Variants in GLMN observed in about 807,000 individuals in gnomAD.
The protein encoded by GLMN is glomulin, FKBP associated protein, also known as glomulin.
In GLMN, 75 loss-of-function variants were observed where a neutral mutation model predicts 87.8. The ratio of observed to expected loss-of-function variants is 0.85; its 90% confidence interval spans 0.71 to 1.04. The LOEUF (loss-of-function observed/expected upper bound fraction) is 1.04. GLMN is among the 50% of genes least tolerant of loss of function. The pLI is 0.00. For synonymous variants in GLMN, 206 were observed against 221.6 expected, an observed-to-expected ratio of 0.93 and a Z score of 0.63; for missense variants, 588 against 658.8, an observed-to-expected ratio of 0.89 and a Z score of 1.18.
chr1:92,329,841 A>G, the GLMN span, among the ~76,000 whole-genome samples: 1 of 152,226 alleles, frequency 6.6e-6, no homozygotes, highest in African/African-American at 2.4e-5. Context: ...AATGAGTGAC[A>G]TTAGCGTATG....
At chr1:92,274,779 AT>A (rs1379358624) in intron 7 of GLMN, among the ~76,000 whole-genome samples, 2 of 151,866 alleles carry the variant, frequency 1.3e-5, no homozygotes, top group African/African-American at 4.8e-5. Flanking sequence ...CCAATATCCC[AT>A]TTTCTGACCA....
the GLMN span, among the ~76,000 whole-genome samples, chr1:92,337,665 T>C: frequency 6.6e-6 from 1 of 152,182 alleles, no homozygotes; most frequent in Non-Finnish European, 1.5e-5. Context: ...CAGTTTTCTC[T>C]AAGTTTTATC....
At chr1:92,354,039 A>G in the GLMN span, among the ~76,000 whole-genome samples, 1 of 152,124 alleles carries the variant, frequency 6.6e-6, no homozygotes, top group Non-Finnish European at 1.5e-5. Context: ...AAGGATCCTG[A>G]GCAAAAAGAT....
chr1:92,269,257 A>G (rs555435273), intron 9 of GLMN, among the ~76,000 whole-genome samples: 1 of 151,678 alleles, frequency 6.6e-6, no homozygotes, highest in South Asian at 2.1e-4. Flanking sequence ...AAATGAGAAA[A>G]GTTGTAATTG....
At chr1:92,369,808 G>A in the GLMN span, among the ~76,000 whole-genome samples, 11 of 152,328 alleles carry the variant, frequency 7.2e-5, no homozygotes, top group South Asian at 6.2e-4. Context: ...AAGAAAAAGA[G>A]AGGAAGCAGG....
the GLMN span, among the ~76,000 whole-genome samples, chr1:92,349,437 TATAATGCC>T: frequency 1.3e-5 from 2 of 152,222 alleles, no homozygotes; most frequent in African/African-American, 2.4e-5. Context: ...AGTATGTTGC[TATAATGCC>T]ACAAGTCTAA....
chr1:92,297,681 AGGAT>A, intron 2 of GLMN, 152 bp from the exon 3 acceptor site: 1 of 702,514 alleles, frequency 1.4e-6, no homozygotes, highest in South Asian at 1.8e-5. Context: ...TATCAAAATT[AGGAT>A]TACCCTAATA....
chr1:92,276,217 C>A (rs1305009319), intron 7 of GLMN, among the ~76,000 whole-genome samples: 8 of 151,916 alleles, frequency 5.3e-5, no homozygotes, highest in Non-Finnish European at 8.8e-5. Context: ...CAGAGCAAGA[C>A]CCTATCTCAA....
At chr1:92,273,754 C>A (rs1037518863) in intron 7 of GLMN, among the ~76,000 whole-genome samples, 8 of 152,028 alleles carry the variant, frequency 5.3e-5, no homozygotes, top group African/African-American at 1.7e-4. Flanking sequence ...CCGTGCCCAG[C>A]CTAAGATACC....
chr1:92,363,661 A>G, the GLMN span: 312 of 281,310 alleles, frequency 1.1e-3, 1 homozygote, highest in African/African-American at 6.1e-3. Context: ...CCTCTGCCAC[A>G]CTTAAGATAG....
intron 7 of GLMN, among the ~76,000 whole-genome samples, chr1:92,282,005 A>C (rs577422072): frequency 7.9e-5 from 12 of 152,190 alleles, no homozygotes; most frequent in African/African-American, 2.9e-4. Flanking sequence ...AGATACTTAG[A>C]CTCCCACACG....
the GLMN span, among the ~76,000 whole-genome samples, chr1:92,317,757 T>C: frequency 6.6e-6 from 1 of 152,208 alleles, no homozygotes; most frequent in East Asian, 1.9e-4. Context: ...TTATGCTTTT[T>C]CCCTTGCCTT....
intron 7 of GLMN, among the ~76,000 whole-genome samples, chr1:92,275,808 G>A (rs1425199799): frequency 6.6e-6 from 1 of 152,172 alleles, no homozygotes. Context: ...CAGTTTCTGT[G>A]TATTTCTACC....
At chr1:92,315,020 G>A in the GLMN span, among the ~76,000 whole-genome samples, 1 of 152,132 alleles carries the variant, frequency 6.6e-6, no homozygotes, top group South Asian at 2.1e-4. Context: ...ACTCCAGCCT[G>A]GGTGAAGAGC....
the GLMN span, among the ~76,000 whole-genome samples, chr1:92,313,443 CTT>C: frequency 3.4e-5 from 5 of 145,018 alleles, no homozygotes; most frequent in African/African-American, 5.1e-5. Context: ...GGAAAGGAAT[CTT>C]TTTTTTTTTT....
At chr1:92,288,047 TTA>T (rs143600768) in intron 6 of GLMN, among the ~76,000 whole-genome samples, 103 of 150,694 alleles carry the variant, frequency 6.8e-4, no homozygotes, top group African/African-American at 2.3e-3. Flanking sequence ...TTTTTTTTTT[TTA>T]AATAACAAGT....
At chr1:92,286,380 C>CA (rs1648750395) in intron 7 of GLMN, 110 bp downstream of exon 7, 3 of 568,602 alleles carry the variant, frequency 5.3e-6, no homozygotes, top group East Asian at 2.9e-5. Context: ...GTGTGTTCTA[C>CA]AAAAAATACA....
At chr1:92,267,158 T>C (rs1052698420) in intron 11 of GLMN, among the ~76,000 whole-genome samples, 1 of 152,108 alleles carries the variant, frequency 6.6e-6, no homozygotes, top group Non-Finnish European at 1.5e-5. Flanking sequence ...ACAAAGAGGA[T>C]TGGGCAAAAT....
At chr1:92,280,982 C>A (rs1056966753) in intron 7 of GLMN, among the ~76,000 whole-genome samples, 1 of 152,182 alleles carries the variant, frequency 6.6e-6, no homozygotes, top group African/African-American at 2.4e-5. Context: ...AAGACCAAAT[C>A]TATGTTTGAT....
Sources: gnomAD v4.1 joint callset for allele counts (sites outside exome capture counted in the v4.1 genomes callset) on GRCh38, gnomAD v4.1.1 for gene constraint, MANE v1.5 for transcripts, NCBI Gene and HGNC (gene_info 2026-07-23, HGNC 2026-07-21) for gene names.